MAML2: variants seen among roughly 807,000 people sequenced by gnomAD.
MAML2 encodes mastermind-like protein 2.
A neutral mutation model predicts 96.1 loss-of-function variants in MAML2; 22 were observed. The observed-to-expected ratio is 0.23, with a 90% CI of 0.16 to 0.33. MAML2 has a LOEUF of 0.33. MAML2 is among the 10% of genes least tolerant of loss of function. MAML2 has a pLI of 1.00. For synonymous variants in MAML2, 561 were observed against 521.3 expected, an observed-to-expected ratio of 1.08 and a Z score of -1.04; for missense variants, 1,367 against 1,392.4, an observed-to-expected ratio of 0.98 and a Z score of 0.29.
intron 1 of MAML2, among the ~76,000 whole-genome samples, chr11:96,191,353 A>G (rs531319478): frequency 6.6e-6 from 1 of 152,064 alleles, no homozygotes; most frequent in South Asian, 2.1e-4. Flanking sequence ...AGTCCCAGCT[A>G]CTCAGGAGGC....
In MAML2 at chr11:96,194,070, T is replaced by C. The variant is rs78781787; in HGVS notation, c.514-100553A>G. On this transcript the variant is annotated intron_variant, in intron 1 of 4. Transcript: ENST00000524717. ...ACAAAGCATAGGCCTATCCGTCAAATGGTAAACGATCTAGAACTGGCCTCA... is the reference window on the plus strand; with the variant it reads ...ACAAAGCATAGGCCTATCCGTCAAACGGTAAACGATCTAGAACTGGCCTCA... Among the ~76,000 whole-genome samples the C allele has an allele frequency of 5.8e-3, 881 of 152,278 alleles. 15 individuals are homozygous for C. The highest frequency in any genetic ancestry group is 0.018 in the African/African-American group (768 of 41,554).
At chr11:96,116,508 A>G (rs1860244341) in intron 1 of MAML2, among the ~76,000 whole-genome samples, 2 of 152,332 alleles carry the variant, frequency 1.3e-5, no homozygotes, top group South Asian at 4.1e-4. Context: ...TGGTCTGACA[A>G]CATGGCAAGT....
intron 1 of MAML2, among the ~76,000 whole-genome samples, chr11:96,117,130 G>A (rs915910614): frequency 3.9e-5 from 6 of 152,102 alleles, no homozygotes; most frequent in African/African-American, 1.4e-4. Flanking sequence ...CCCAAGGGAA[G>A]TGAATCTACA....
chr11:96,123,758 A>G (rs1181756760), intron 1 of MAML2, among the ~76,000 whole-genome samples: 1 of 152,076 alleles, frequency 6.6e-6, no homozygotes, highest in Non-Finnish European at 1.5e-5. Flanking sequence ...AGGGAGGAGG[A>G]CATCGGCTTC....
chr11:96,225,796 G>C (rs569864838), intron 1 of MAML2, among the ~76,000 whole-genome samples: 1 of 151,844 alleles, frequency 6.6e-6, no homozygotes, highest in South Asian at 2.1e-4. Flanking sequence ...ATGGGCCACT[G>C]TACCCCACCC....
intron 1 of MAML2, among the ~76,000 whole-genome samples, chr11:96,255,093 G>C (rs1255642928): frequency 1.3e-5 from 2 of 152,170 alleles, no homozygotes; most frequent in Non-Finnish European, 2.9e-5. Flanking sequence ...GCCTCCCAGA[G>C]TGCTGGGATT....
At chr11:96,159,427 T>TTTTTTTTTTTTG (rs1861067647) in intron 1 of MAML2, among the ~76,000 whole-genome samples, 1 of 138,716 alleles carries the variant, frequency 7.2e-6, no homozygotes, top group Non-Finnish European at 1.6e-5. Context: ...TTTTTTTTTT[T>TTTTTTTTTTTTG]TTTGAGACGG....
Position 96,159,404 on chromosome 11 carries a change from ATTCTTTT to A in MAML2, c.514-65894_514-65888del, listed in dbSNP as rs1214982563. Reference sequence around the variant, plus strand: ...TACTAACCGTGCCTCTAAACCACTGATTCTTTTTTTTTTTTTTTTTTTTTTTGAGACG... The same window carrying A: ...TACTAACCGTGCCTCTAAACCACTGATTTTTTTTTTTTTTTTTTTGAGACG... On this transcript the variant is annotated intron_variant, in intron 1 of 4. Transcript: ENST00000524717. Among the ~76,000 whole-genome samples the A allele has an allele frequency of 1.6e-3, 101 of 62,012 alleles. 7 individuals are homozygous for A. The highest frequency in any genetic ancestry group is 4.6e-3 in the African/African-American group (83 of 18,124). 40.7% of individuals were successfully genotyped at this position (62,012 alleles called of 152,430 possible).
At chr11:96,075,437 T>C (rs1359398429) in intron 2 of MAML2, among the ~76,000 whole-genome samples, 1 of 152,216 alleles carries the variant, frequency 6.6e-6, no homozygotes, top group Non-Finnish European at 1.5e-5. Flanking sequence ...GTGTCTATTA[T>C]TATCTGTCTG....
At chr11:96,015,584 A>AAGG (rs1491096412) in intron 2 of MAML2, among the ~76,000 whole-genome samples, 8 of 55,286 alleles carry the variant, frequency 1.4e-4, no homozygotes, top group Non-Finnish European at 2.5e-4. Flanking sequence ...AAAAAAAAAA[A>AAGG]GGGGGGGGGG....
chr11:96,093,555 A>G, intron 1 of MAML2, 38 bp from the exon 2 acceptor site: 1 of 1,341,428 alleles, frequency 7.5e-7, no homozygotes, highest in Non-Finnish European at 1.0e-6. Context: ...AAAATAAGAA[A>G]TATGAATCCA....
intron 1 of MAML2, among the ~76,000 whole-genome samples, chr11:96,253,657 T>G (rs1013946249): frequency 6.6e-6 from 1 of 152,226 alleles, no homozygotes; most frequent in African/African-American, 2.4e-5. Flanking sequence ...AAACCCCATT[T>G]TCCTCAAGAA....
Position 96,253,211 on chromosome 11 carries a change from C to T in MAML2, c.513+88172G>A, listed in dbSNP as rs533595994. Reference sequence around the variant, plus strand: ...TTCAACACCACAGCTTCCCTTTATTCTGAGAAAACTCCAAGGAAAACTGAC... The same window carrying T: ...TTCAACACCACAGCTTCCCTTTATTTTGAGAAAACTCCAAGGAAAACTGAC... On this transcript the variant is annotated intron_variant, in intron 1 of 4. Transcript: ENST00000524717. 2.6e-5 allele frequency among the ~76,000 whole-genome samples: 4 copies of T among 152,296 alleles called. No homozygotes were observed. The East Asian group carries it at 5.8e-4, about 22-fold the overall frequency.
chr11:96,245,762 C>T (rs10219219), intron 1 of MAML2, among the ~76,000 whole-genome samples: 1,795 of 148,708 alleles, frequency 0.012, 40 homozygotes, highest in African/African-American at 0.04. Context: ...TGGAGTGCAG[C>T]GGTGCGATCT....
At chr11:96,282,902 T>A (rs1863092012) in intron 1 of MAML2, among the ~76,000 whole-genome samples, 1 of 152,192 alleles carries the variant, frequency 6.6e-6, no homozygotes, top group Admixed American at 6.5e-5. Flanking sequence ...CACTTGCAAA[T>A]TTTCTTCCAC....
intron 3 of MAML2, 101 bp downstream of exon 3, chr11:95,991,419 T>G: frequency 1.9e-6 from 2 of 1,063,338 alleles, no homozygotes; most frequent in Non-Finnish European, 2.9e-6. Flanking sequence ...ACACCTTTGT[T>G]GCTGTCACGT....
chr11:96,150,261 C>T (rs1860897974), intron 1 of MAML2, among the ~76,000 whole-genome samples: 1 of 152,116 alleles, frequency 6.6e-6, no homozygotes, highest in South Asian at 2.1e-4. Context: ...AAAGATAATC[C>T]CTGCTCTCAC....
chr11:96,202,837 A>G (rs868592861), intron 1 of MAML2, among the ~76,000 whole-genome samples: 1 of 152,140 alleles, frequency 6.6e-6, no homozygotes, highest in Non-Finnish European at 1.5e-5. Context: ...CACGTTGGCC[A>G]GGCTGGTCTC....
chr11:96,042,485 G>A (rs1232947381), intron 2 of MAML2, among the ~76,000 whole-genome samples: 1 of 152,088 alleles, frequency 6.6e-6, no homozygotes, highest in East Asian at 1.9e-4. Context: ...TGAGGTCAGA[G>A]CCACCCTTCT....
Sources: allele counts gnomAD v4.1 joint callset (sites outside exome capture counted in the v4.1 genomes callset), GRCh38; gene constraint gnomAD v4.1.1; transcripts MANE v1.5; gene names NCBI Gene and HGNC (gene_info 2026-07-23, HGNC 2026-07-21).